The following HIBADH variants were observed in gnomAD, a reference collection of about 807,000 sequenced individuals.
The protein encoded by HIBADH is 3-hydroxyisobutyrate dehydrogenase, also known as 3-hydroxyisobutyrate dehydrogenase, mitochondrial.
In HIBADH, 25 loss-of-function variants were observed where a neutral mutation model predicts 36.1. The ratio of observed to expected loss-of-function variants is 0.69; its 90% CI spans 0.50 to 0.97. HIBADH has a LOEUF of 0.97. Ranked by LOEUF, HIBADH falls within the 50% of genes least tolerant of loss-of-function variation. The pLI, the probability that HIBADH is intolerant of heterozygous loss-of-function variation, is 0.00. For missense variants in HIBADH, 421 were observed against 418.0 expected (o/e 1.01, Z -0.06); for synonymous variants, 160 against 149.5 (o/e 1.07, Z -0.51).
chr7:27,565,551 T>C (rs1784534366), intron 4 of HIBADH, among the ~76,000 whole-genome samples: 2 of 152,256 alleles, frequency 1.3e-5, no homozygotes, highest in Non-Finnish European at 2.9e-5. Flanking sequence ...ACTCATTTAC[T>C]GTTTATAAGC....
chr7:27,574,385 T>G (rs1258024405), intron 4 of HIBADH, among the ~76,000 whole-genome samples: 3 of 152,106 alleles, frequency 2.0e-5, no homozygotes, highest in Non-Finnish European at 2.9e-5. Flanking sequence ...AATATGATGC[T>G]AATTGTGTTA....
intron 4 of HIBADH, among the ~76,000 whole-genome samples, chr7:27,595,383 T>C (rs1785014590): frequency 6.6e-6 from 1 of 151,934 alleles, no homozygotes; most frequent in African/African-American, 2.4e-5. Flanking sequence ...CCAGGCATTG[T>C]GGTACGTGCC....
chr7:27,626,104 G>GAAAAAAAAAAAAAAAAA (rs70994672), intron 4 of HIBADH, among the ~76,000 whole-genome samples: 1 of 72,496 alleles, frequency 1.4e-5, no homozygotes, highest in African/African-American at 5.4e-5. Flanking sequence ...CTCCGTCTCA[G>GAAAAAAAAAAAAAAAAA]AAAAAAAAAA....
In HIBADH at chr7:27,656,899, T is replaced by C. The variant is rs17610547; in HGVS notation, c.91+5799A>G. Among the ~76,000 whole-genome samples the C allele has an allele frequency of 2.8e-3, 424 of 152,290 alleles. 2 individuals carry two copies. Among genetic ancestry groups the C allele is most frequent in the Admixed American group, 7.7e-3 (118 of 15,290 alleles). ...TAATGCTGCTGATAAAAGTGGACTG[T>C]GTAAAGGTAAACAGTGTCACAGCAA... On this transcript the variant is annotated intron_variant, in intron 1 of 7. Transcript: ENST00000265395.
rs192285829 is a variant in HIBADH, at chr7:27,645,422, G to A, written c.252+4051C>T. ...AGACAGAGTCTTACTCTGTCGCCCA[G>A]GCTGGAGTGCAGTGGTGGCAATCTC... On this transcript the variant is annotated intron_variant, in intron 2 of 7. Coordinates refer to ENST00000265395, the MANE Select transcript of HIBADH (RefSeq NM_152740.4). Among the ~76,000 whole-genome samples, 96 of 117,450 alleles carry A rather than the reference G, an allele frequency of 8.2e-4. 3 individuals carry two copies. In the East Asian group the frequency reaches 0.022, roughly 27 times the overall value. The allele number at this position is 117,450 out of a possible 152,430, so 77.1% of individuals were successfully genotyped here.
At chr7:27,552,255 G>A (rs570599162) in intron 4 of HIBADH, among the ~76,000 whole-genome samples, 125 of 152,252 alleles carry the variant, frequency 8.2e-4, no homozygotes, top group Middle Eastern at 3.4e-3. Context: ...TGACACAGAT[G>A]AATGGCTTTG....
intron 4 of HIBADH, among the ~76,000 whole-genome samples, chr7:27,597,563 A>G (rs1204433847): frequency 6.7e-6 from 1 of 149,408 alleles, no homozygotes; most frequent in East Asian, 1.9e-4. Context: ...GAATCCCCCA[A>G]ACCAGACTCC....
intron 1 of HIBADH, among the ~76,000 whole-genome samples, chr7:27,655,413 G>A (rs1019915925): frequency 1.3e-5 from 2 of 152,082 alleles, no homozygotes; most frequent in Admixed American, 6.6e-5. Flanking sequence ...TGATTCAAGC[G>A]GGATAGGTAT....
At chr7:27,632,580 C>CA (rs143191859) in intron 2 of HIBADH, 135 bp from the exon 3 acceptor site, 5,638 of 201,684 alleles carry the variant, frequency 0.028, 19 homozygotes, top group Non-Finnish European at 0.031. Context: ...TGCAAATGAC[C>CA]AAAAAAAAAA....
rs190805473 is a variant in HIBADH at position 27,544,246 on chromosome 7, A to G, written c.485-1146T>C. ...GTGAAGAGATACCTATTTCATTCAA[A>G]TTGTGAATATTTTGCTATTGTCAAA... On this transcript the variant is annotated intron_variant, in intron 4 of 7. Coordinates refer to ENST00000265395, the MANE Select transcript of HIBADH (RefSeq NM_152740.4). 3.7e-4 allele frequency among the ~76,000 whole-genome samples: 56 copies of G among 152,302 alleles called. 1 individual carries two copies. Among genetic ancestry groups the G allele is most frequent in the Admixed American group, 7.2e-4 (11 of 15,278 alleles).
chr7:27,620,075 C>T (rs1038998321), intron 4 of HIBADH, among the ~76,000 whole-genome samples: 1 of 152,186 alleles, frequency 6.6e-6, no homozygotes, highest in African/African-American at 2.4e-5. Context: ...AATCCCAACA[C>T]TTTAGGAAGC....
intron 4 of HIBADH, among the ~76,000 whole-genome samples, chr7:27,606,954 G>A (rs564403391): frequency 1.3e-5 from 2 of 152,164 alleles, no homozygotes; most frequent in South Asian, 4.2e-4. Flanking sequence ...TCTGGTCTCT[G>A]GCACCCCCAC....
intron 4 of HIBADH, among the ~76,000 whole-genome samples, chr7:27,576,395 T>A (rs917982532): frequency 6.6e-6 from 1 of 152,214 alleles, no homozygotes. Flanking sequence ...CATAACCACA[T>A]ATGCAAAGTA....
Position 27,642,083 on chromosome 7 carries a change from G to A in HIBADH, c.252+7390C>T, listed in dbSNP as rs928820267. On this transcript the variant is annotated intron_variant, in intron 2 of 7. Transcript: ENST00000265395. ...TCGCTATTATTCACTAATCTGGGAG[G>A]AGCACCGACCCAGAACCCACCTTCT... Among the ~76,000 whole-genome samples, 5 of 152,248 alleles carry A rather than the reference G, an allele frequency of 3.3e-5. No individual in the cohort carries two copies. The East Asian group carries it at 9.6e-4, about 29-fold the overall frequency.
intron 5 of HIBADH, among the ~76,000 whole-genome samples, chr7:27,542,740 T>C (rs1303749890): frequency 2.0e-5 from 3 of 152,046 alleles, no homozygotes; most frequent in Admixed American, 6.6e-5. Flanking sequence ...GCATGAGCCA[T>C]CACGTCTGGC....
At chr7:27,613,034 C>T (rs12534603) in intron 4 of HIBADH, among the ~76,000 whole-genome samples, 98,478 of 128,870 alleles carry the variant, frequency 0.76, 37,829 homozygotes, top group East Asian at 0.94. Flanking sequence ...ATTATATTTA[C>T]ATAATATATA....
intron 4 of HIBADH, among the ~76,000 whole-genome samples, chr7:27,607,745 A>T (rs1284824066): frequency 5.6e-5 from 1 of 17,818 alleles, no homozygotes; most frequent in Non-Finnish European, 9.0e-5. Flanking sequence ...AGAATGCTGC[A>T]AAAAAAAAAA....
chr7:27,536,597 A>G (rs1454208199), intron 6 of HIBADH, among the ~76,000 whole-genome samples: 1 of 152,096 alleles, frequency 6.6e-6, no homozygotes, highest in African/African-American at 2.4e-5. Flanking sequence ...CAAGTAGCCA[A>G]TGGTTTTTAC....
intron 4 of HIBADH, among the ~76,000 whole-genome samples, chr7:27,614,183 G>T (rs1785384722): frequency 6.6e-6 from 1 of 152,120 alleles, no homozygotes; most frequent in South Asian, 2.1e-4. Flanking sequence ...AACTTTTAAT[G>T]TAAGAACTTC....
Sources: allele counts gnomAD v4.1 joint callset (sites outside exome capture counted in the v4.1 genomes callset), GRCh38; gene constraint gnomAD v4.1.1; transcripts MANE v1.5; gene names NCBI Gene and HGNC (gene_info 2026-07-23, HGNC 2026-07-21).